The following DHRSX variants were observed in gnomAD, a reference collection of about 807,000 sequenced individuals.
DHRSX encodes polyprenol dehydrogenase.
A neutral mutation model predicts 34.0 loss-of-function variants in DHRSX; 31 were observed. That is an observed-to-expected ratio of 0.91 (90% CI 0.69 to 1.23). The LOEUF is 1.23. Among genes scored for constraint, DHRSX ranks in the 50% most tolerant of loss-of-function variants. DHRSX has a pLI of 0.00. For missense variants in DHRSX, 414 were observed against 428.1 expected, an observed-to-expected ratio of 0.97 and a Z score of 0.29; for synonymous variants, 201 against 183.8, an observed-to-expected ratio of 1.09 and a Z score of -0.76.
chrX:2,304,586 TAG>T (rs2042078314), intron 3 of DHRSX, among the ~76,000 whole-genome samples: 1 of 152,024 alleles, frequency 6.6e-6, no homozygotes, highest in Admixed American at 6.6e-5. Flanking sequence ...GAAAAGTGTG[TAG>T]CATCTCCCCA....
chrX:2,391,528 TA>T (rs1289995004), intron 3 of DHRSX, among the ~76,000 whole-genome samples: 3 of 152,058 alleles, frequency 2.0e-5, no homozygotes, highest in African/African-American at 2.4e-5. Context: ...TAAACCCACC[TA>T]GGGGTGGAAT....
At chrX:2,359,154 A>C (rs2042895551) in intron 3 of DHRSX, among the ~76,000 whole-genome samples, 1 of 152,182 alleles carries the variant, frequency 6.6e-6, no homozygotes, top group African/African-American at 2.4e-5. Flanking sequence ...TGTTGGCGGG[A>C]GTGTAAATTA....
chrX:2,365,301 G>A (rs2124592945), intron 3 of DHRSX, among the ~76,000 whole-genome samples: 1 of 152,220 alleles, frequency 6.6e-6, no homozygotes, highest in Admixed American at 6.5e-5. Flanking sequence ...CACCACGCCT[G>A]GCTGATTTTT....
At chrX:2,348,441 C>T (rs62583735) in intron 3 of DHRSX, among the ~76,000 whole-genome samples, 65,080 of 151,922 alleles carry the variant, frequency 0.43, 18,141 homozygotes, top group African/African-American at 0.79. Context: ...CTGAGGCGTG[C>T]GCTCCTATTG....
rs568642472 is a variant in DHRSX at position 2,369,662 on chromosome X, G to A, written c.286+39083C>T. 4.6e-5 allele frequency among the ~76,000 whole-genome samples: 7 copies of A among 151,836 alleles called. No homozygotes were observed. In the East Asian group the frequency reaches 5.9e-4, roughly 13 times the overall value. The stretch of plus-strand genomic sequence containing the variant: ...CAGGCTCACACCACCAAAATTAGCC[G>A]GGGCTAATTTTTTCTATTTTTAGTA... On this transcript the variant is annotated intron_variant, in intron 3 of 6. Coordinates refer to ENST00000334651, the MANE Select transcript of DHRSX (RefSeq NM_145177.3).
At chrX:2,358,297 C>A (rs1421258378) in intron 3 of DHRSX, among the ~76,000 whole-genome samples, 5 of 152,194 alleles carry the variant, frequency 3.3e-5, no homozygotes, top group African/African-American at 9.6e-5. Context: ...GGAACTTAAA[C>A]AAATTTACAA....
intron 2 of DHRSX, among the ~76,000 whole-genome samples, chrX:2,421,373 C>T (rs1478752328): frequency 1.3e-5 from 2 of 152,130 alleles, no homozygotes; most frequent in Non-Finnish European, 2.9e-5. Context: ...GAGTGAGACG[C>T]TGTCTCAAAA....
At chrX:2,460,582 C>CTTTTTTTTTTT in intron 1 of DHRSX, among the ~76,000 whole-genome samples, 1 of 111,906 alleles carries the variant, frequency 8.9e-6, no homozygotes, top group Non-Finnish European at 1.8e-5. Context: ...CCACGTCTGG[C>CTTTTTTTTTTT]TTTTTTTTTT....
At chrX:2,313,691 G>A (rs2042191476) in intron 3 of DHRSX, among the ~76,000 whole-genome samples, 1 of 152,134 alleles carries the variant, frequency 6.6e-6, no homozygotes, top group South Asian at 2.1e-4. Flanking sequence ...TTGATGAAAA[G>A]AGTCAAACTC....
intron 1 of DHRSX, among the ~76,000 whole-genome samples, chrX:2,439,424 C>G (rs1421036403): frequency 2.0e-5 from 3 of 152,126 alleles, no homozygotes; most frequent in Non-Finnish European, 4.4e-5. Flanking sequence ...TGACAAGTTC[C>G]TTTGTCCAGT....
intron 3 of DHRSX, among the ~76,000 whole-genome samples, chrX:2,336,968 G>A (rs2042576029): frequency 1.3e-5 from 2 of 152,038 alleles, no homozygotes; most frequent in South Asian, 4.1e-4. Context: ...CGTCATCTAG[G>A]TTTTAAGCCC....
At chrX:2,422,279 T>C (rs1283851787) in intron 2 of DHRSX, among the ~76,000 whole-genome samples, 1 of 152,158 alleles carries the variant, frequency 6.6e-6, no homozygotes, top group Non-Finnish European at 1.5e-5. Context: ...AAGTCTTTTT[T>C]TGAGACAGAG....
At chrX:2,419,206 G>T (rs7887444) in intron 2 of DHRSX, among the ~76,000 whole-genome samples, 19,995 of 152,058 alleles carry the variant, frequency 0.13, 1,419 homozygotes, top group Middle Eastern at 0.18. Flanking sequence ...CGAGGGTGGA[G>T]CACAATGAAT....
chrX:2,307,086 A>G (rs1218164855), intron 3 of DHRSX, among the ~76,000 whole-genome samples: 1 of 152,114 alleles, frequency 6.6e-6, no homozygotes, highest in Non-Finnish European at 1.5e-5. Flanking sequence ...TGTTGGATGA[A>G]GAAAATGTAG....
At chrX:2,291,388 C>A in intron 4 of DHRSX, 114 bp downstream of exon 4, 1 of 802,886 alleles carries the variant, frequency 1.2e-6, no homozygotes, top group South Asian at 1.5e-5. Flanking sequence ...CAGGTATGTT[C>A]AATAATTCCC....
intron 2 of DHRSX, among the ~76,000 whole-genome samples, chrX:2,411,513 C>T (rs1417919286): frequency 6.7e-6 from 1 of 149,290 alleles, no homozygotes; most frequent in East Asian, 2.0e-4. Context: ...TGAGATCACA[C>T]CACTGCACTC....
chrX:2,493,454 TTTATTA>T (rs941474243), intron 1 of DHRSX, among the ~76,000 whole-genome samples: 4 of 151,524 alleles, frequency 2.6e-5, no homozygotes, highest in South Asian at 2.1e-4. Flanking sequence ...TTAAATTCTA[TTTATTA>T]TTATTATTAT....
intron 3 of DHRSX, among the ~76,000 whole-genome samples, chrX:2,356,648 C>A (rs1381085217): frequency 3.3e-5 from 5 of 152,132 alleles, no homozygotes; most frequent in Non-Finnish European, 5.9e-5. Context: ...CTCTGCCACC[C>A]CTGAGAAAGC....
intron 5 of DHRSX, among the ~76,000 whole-genome samples, chrX:2,262,639 A>C (rs1301459251): frequency 6.6e-6 from 1 of 152,146 alleles, no homozygotes; most frequent in African/African-American, 2.4e-5. Flanking sequence ...CATGAAGGAG[A>C]AGCAGCCCCT....
Sources: gnomAD v4.1 joint callset for allele counts (sites outside exome capture counted in the v4.1 genomes callset) on GRCh38, gnomAD v4.1.1 for gene constraint, MANE v1.5 for transcripts, NCBI Gene and HGNC (gene_info 2026-07-23, HGNC 2026-07-21) for gene names.